Variants in HRNR observed in about 807,000 individuals in gnomAD.
HRNR encodes hornerin, also known as filaggrin family member 3.
HRNR carries 7 observed loss-of-function variants against 4.8 expected under a neutral mutation model. The ratio of observed to expected loss-of-function variants is 1.47; its 90% CI spans 0.83 to 2.75. The LOEUF (loss-of-function observed/expected upper bound fraction) is 2.75. Ranked by LOEUF, HRNR falls within the 30% of genes most tolerant of loss-of-function variation. The pLI, the probability that HRNR is intolerant of heterozygous loss-of-function variation, is 0.00. For missense variants in HRNR, 2,879 were observed against 3,010.4 expected (o/e 0.96, Z 1.02); for synonymous variants, 1,023 against 1,242.7 (o/e 0.82, Z 3.72).
rs141928962 is a variant in HRNR at position 152,219,089 on chromosome 1, G to C, written c.2540C>G (p.Thr847Arg). ...HFSSQGRHGS[T>R]SGQSSSSGQH... ...GCCGGAGCTTGATGACTGCCCTGAC[G>C]TAGATCCATGTCGTCCCTGGCTAGA... Residue 847 changes from threonine to arginine, a missense_variant, in exon 3 of 3, where the codon ACG (threonine) becomes AGG (arginine). This residue lies in a region of HRNR where 2,646 missense variants were observed against 1,377.7 expected (regional missense o/e 1.92). Transcript: ENST00000368801. The C allele has an allele frequency of 8.7e-6, 14 of 1,613,180 alleles. No homozygotes were observed. The highest frequency in any genetic ancestry group is 1.2e-5 in the Non-Finnish European group (14 of 1,179,854).
chr1:152,222,999 G>A (rs893965400), intron 2 of HRNR, 117 bp downstream of exon 2: 3 of 1,057,484 alleles, frequency 2.8e-6, no homozygotes, highest in Admixed American at 2.2e-5. Flanking sequence ...ACCAAACCCT[G>A]TTCTCTCTCA....
At position 152,218,816 on chromosome 1, in the gene HRNR, G is replaced by A. The variant is rs1191408575; in HGVS notation, c.2813C>T (p.Ser938Leu). 3 of 1,612,926 alleles carry A rather than the reference G, an allele frequency of 1.9e-6. No individual in the cohort carries two copies. Among genetic ancestry groups the A allele is most frequent in the Non-Finnish European group, 2.5e-6 (3 of 1,179,856 alleles). The change falls in exon 3 of 3, where the codon TCA becomes TTA. Residue 938 changes from serine to leucine, a missense_variant. Physicochemically the swap from Ser to Leu is moderately radical, Grantham distance 145 (BLOSUM62 -2). Coordinates refer to ENST00000368801, the MANE Select transcript of HRNR (RefSeq NM_001009931.3). ...CTGAGTGTAACCAGAGGACTGCCCT[G>A]AGCTAGACTTGTGACCAAAGCCAGA... ...QSSGFGHKSS[S>L]GQSSGYTQHG...
In HRNR at chr1:152,220,670, G is replaced by A; in HGVS notation, c.959C>T (p.Ser320Phe). The change falls in exon 3 of 3, where the codon TCC becomes TTC. Residue 320 changes from serine to phenylalanine, a missense_variant. Ser to Phe is a radical substitution (Grantham distance 155). Around this residue, in one of 8 missense-constraint regions of HRNR, gnomAD observed 2,646 missense variants for 1,377.7 expected, o/e 1.92. Transcript: ENST00000368801. Reference sequence around the variant, plus strand: ...GCCAGACCCGTGTTGGCCGTGGCTGGAGGAGTGCCCCGAACCGGACCCATG... The same window carrying A: ...GCCAGACCCGTGTTGGCCGTGGCTGAAGGAGTGCCCCGAACCGGACCCATG... The part of the protein sequence containing the change: ...VRHGSGSGHS[S>F]SHGQHGSGSS... 1 of 1,612,416 alleles carries A rather than the reference G, an allele frequency of 6.2e-7. No individual in the cohort carries two copies. Among genetic ancestry groups the A allele is most frequent in the Non-Finnish European group, 8.5e-7 (1 of 1,178,776 alleles).
chr1:152,213,056 A>G lies in HRNR; in HGVS notation c.*20T>C. Reference sequence around the variant, plus strand: ...ATTTCTTAAATTGCTACTTGAGTAAATTGCATTTATGTTTATTATTCACTG... The same window carrying G: ...ATTTCTTAAATTGCTACTTGAGTAAGTTGCATTTATGTTTATTATTCACTG... On this transcript the variant is annotated 3_prime_UTR_variant, in exon 3 of 3. Transcript: ENST00000368801. 1 of 1,591,504 alleles carries G rather than the reference A, an allele frequency of 6.3e-7. No homozygotes were observed. Among genetic ancestry groups the G allele is most frequent in the Non-Finnish European group, 8.6e-7 (1 of 1,168,676 alleles).
At position 152,218,596 on chromosome 1, in the gene HRNR, A is replaced by G. The variant is rs200430860; in HGVS notation, c.3033T>C (p.Arg1011=). Residue 1011 remains arginine, a synonymous_variant, in exon 3 of 3, where the codon CGT becomes CGC. Transcript: ENST00000368801. ...GCCCGGAACCAGACCCATGTCGGCCACGGCTAGGGCTAGGAGACTGGCCAG... is the reference window on the plus strand; with the variant it reads ...GCCCGGAACCAGACCCATGTCGGCCGCGGCTAGGGCTAGGAGACTGGCCAG... ...SGSGQSPSPS[R]GRHGSGSGQS... 3 of 1,612,454 alleles carry G rather than the reference A, an allele frequency of 1.9e-6. No homozygotes were observed. Among genetic ancestry groups the G allele is most frequent in the Admixed American group, 1.7e-5 (1 of 59,910 alleles).
In HRNR at chr1:152,221,504, A is replaced by T. The variant is rs1553202866; in HGVS notation, c.139-14T>A. 6.4e-7 allele frequency: 1 copy of T among 1,558,448 alleles called. No individual in the cohort carries two copies. The highest frequency in any genetic ancestry group is 8.7e-7 in the Non-Finnish European group (1 of 1,148,858). Reference sequence around the variant, plus strand: ...ATCGTTTGGATTCTGTATAAGAGAAAGGTACAAAGAGTAGCTCTGTTAGTA... The same window carrying T: ...ATCGTTTGGATTCTGTATAAGAGAATGGTACAAAGAGTAGCTCTGTTAGTA... On this transcript the variant is annotated splice_polypyrimidine_tract_variant and intron_variant, in intron 2 of 2. Transcript: ENST00000368801.
Position 152,221,189 on chromosome 1 carries a change from C to G in HRNR, c.440G>C (p.Ser147Thr), listed in dbSNP as rs775821444. 61 of 1,614,070 alleles carry G rather than the reference C, an allele frequency of 3.8e-5. No individual in the cohort carries two copies. The Middle Eastern group carries it at 4.9e-4, about 13-fold the overall frequency. ...NDSYSRNVRG[S>T]LKPGTESISR... ...TATGGATTCAGTCCCAGGTTTAAGA[C>G]TTCCTCTGACGTTTCTGGAATAGGA... Residue 147 changes from serine to threonine, a missense_variant, in exon 3 of 3, where the codon AGT becomes ACT. This residue lies in a region of HRNR where 2,646 missense variants were observed against 1,377.7 expected (regional missense o/e 1.92). Coordinates refer to ENST00000368801, the MANE Select transcript of HRNR (RefSeq NM_001009931.3).
At position 152,218,571 on chromosome 1, in the gene HRNR, G is replaced by A. The variant is rs1047853986; in HGVS notation, c.3058C>T (p.Gln1020Ter). ...CTATATGGGCCATAGCTGGAAGACT[G>A]CCCGGAACCAGACCCATGTCGGCCA... ...SRGRHGSGSG[Q>*]SSSYGPYRSG... Residue 1020 changes from glutamine (Q) to a stop codon, truncating the protein, a stop_gained, in exon 3 of 3, where the codon CAG (glutamine) becomes TAG (stop). Transcript: ENST00000368801. LOFTEE classifies it low-confidence loss of function (END_TRUNC). 3.7e-6 allele frequency: 6 copies of A among 1,613,720 alleles called. No homozygotes were observed. The highest frequency in any genetic ancestry group is 5.1e-6 in the Non-Finnish European group (6 of 1,179,960).
At position 152,218,587 on chromosome 1, in the gene HRNR, A is replaced by G. The variant is rs369907597; in HGVS notation, c.3042T>C (p.His1014=). 34 of 1,613,536 alleles carry G rather than the reference A, an allele frequency of 2.1e-5. No homozygotes were observed. Among genetic ancestry groups the G allele is most frequent in the Non-Finnish European group, 2.8e-5 (33 of 1,179,914 alleles). Residue 1014 remains histidine (H), a synonymous_variant, in exon 3 of 3, where the codon CAT becomes CAC. Transcript: ENST00000368801. ...GQSPSPSRGR[H]GSGSGQSSSY... The stretch of plus-strand genomic sequence containing the variant: ...TGGAAGACTGCCCGGAACCAGACCC[A>G]TGTCGGCCACGGCTAGGGCTAGGAG...
chr1:152,214,306 T>G lies in HRNR; in HGVS notation c.7323A>C (p.Ser2441=), dbSNP rs1285443737. ...SSSYSPYGSG[S]GWSSSRGPYE... ...ATGGGCCACGGCTGGAAGACCACCCTGAGCCAGACCCATATGGGCTGTAGC... is the reference window on the plus strand; with the variant it reads ...ATGGGCCACGGCTGGAAGACCACCCGGAGCCAGACCCATATGGGCTGTAGC... The change falls in exon 3 of 3, where the codon TCA becomes TCC. Residue 2441 remains serine, a synonymous_variant. Transcript: ENST00000368801. The G allele has an allele frequency of 6.2e-7, 1 of 1,607,156 alleles. No individual in the cohort carries two copies. Among genetic ancestry groups the G allele is most frequent in the East Asian group, 2.2e-5 (1 of 44,882 alleles).
rs761624974 is a variant in HRNR, at chr1:152,220,753, C to G, written c.876G>C (p.Gln292His). The change falls in exon 3 of 3, where the codon CAG (glutamine) becomes CAC (histidine). Residue 292 changes from glutamine (Q) to histidine (H), a missense_variant. Around this residue, in one of 8 missense-constraint regions of HRNR, gnomAD observed 2,646 missense variants for 1,377.7 expected, o/e 1.92. Transcript: ENST00000368801. ...SYGQHGSGSR[Q>H]SLGHGRQGSG... The stretch of plus-strand genomic sequence containing the variant: ...ACCCTTGTCGGCCGTGGCCCAAAGA[C>G]TGACGGGAACCAGACCCATGCTGAC... The G allele has an allele frequency of 1.9e-6, 3 of 1,613,672 alleles. No individual in the cohort carries two copies. Among genetic ancestry groups the G allele is most frequent in the Middle Eastern group, 1.7e-4 (1 of 6,058 alleles).
rs764759555 is a variant in HRNR, at chr1:152,213,180, T to G, written c.8449A>C (p.Ser2817Arg). ...CCAGAACTTCCCCCATCATGGTTACTTCCTCCTTTGCAATAAGAATACCCA... is the reference window on the plus strand; with the variant it reads ...CCAGAACTTCCCCCATCATGGTTACGTCCTCCTTTGCAATAAGAATACCCA... ...QDGYSYCKGG[S>R]NHDGGSSGSY... Residue 2817 changes from serine to arginine, a missense_variant, in exon 3 of 3, where the codon AGT (serine) becomes CGT (arginine). Transcript: ENST00000368801. 2.5e-6 allele frequency: 4 copies of G among 1,614,126 alleles called. No homozygotes were observed. In the South Asian group the frequency reaches 4.4e-5, roughly 18 times the overall value.
intron 2 of HRNR, 34 bp downstream of exon 2, chr1:152,223,082 C>G: frequency 6.2e-7 from 1 of 1,606,172 alleles, no homozygotes; most frequent in Non-Finnish European, 8.5e-7. Context: ...GAAGAAAATT[C>G]CTGCATAACT....
Position 152,219,064 on chromosome 1 carries a change from G to A in HRNR, c.2565C>T (p.Gly855=), listed in dbSNP as rs763111366. 1.2e-6 allele frequency: 2 copies of A among 1,610,734 alleles called. No homozygotes were observed. Among genetic ancestry groups the A allele is most frequent in the South Asian group, 2.2e-5 (2 of 90,924 alleles). ...ATTGACCTGAGCTAGAGTCATGTTG[G>A]CCGGAGCTTGATGACTGCCCTGACG... is the stretch of plus-strand genomic sequence containing the variant. ...GSTSGQSSSS[G]QHDSSSGQSS... Residue 855 remains glycine (G), a synonymous_variant, in exon 3 of 3, where the codon GGC becomes GGT. Coordinates refer to ENST00000368801, the MANE Select transcript of HRNR (RefSeq NM_001009931.3).
In HRNR at chr1:152,220,203, A is replaced by C. The variant is rs773637639; in HGVS notation, c.1426T>G (p.Ser476Ala). Residue 476 changes from serine to alanine, a missense_variant, in exon 3 of 3, where the codon TCT becomes GCT. This residue lies in a region of HRNR where 2,646 missense variants were observed against 1,377.7 expected (regional missense o/e 1.92). Transcript: ENST00000368801. ...CCAGATCCATGCTGAGTGTAACCAG[A>C]GGAATGCTCTGAGCTAGACTCGTGG... Reference protein sequence around the residue: ...GHHESSSEHSSGYTQHGSGSG... With the variant: ...GHHESSSEHSAGYTQHGSGSG... The C allele has an allele frequency of 6.2e-7, 1 of 1,613,670 alleles. No homozygotes were observed. Among genetic ancestry groups the C allele is most frequent in the South Asian group, 1.1e-5 (1 of 91,052 alleles).
At position 152,220,247 on chromosome 1, in the gene HRNR, T is replaced by C. The variant is rs1461342119; in HGVS notation, c.1382A>G (p.Tyr461Cys). The C allele has an allele frequency of 1.2e-6, 2 of 1,612,060 alleles. No homozygotes were observed. Among genetic ancestry groups the C allele is most frequent in the Non-Finnish European group, 8.5e-7 (1 of 1,179,458 alleles). Residue 461 changes from tyrosine to cysteine, a missense_variant, in exon 3 of 3, where the codon TAC becomes TGC. Around this residue, in one of 8 missense-constraint regions of HRNR, gnomAD observed 2,646 missense variants for 1,377.7 expected, o/e 1.92. Transcript: ENST00000368801. ...SSGPYVSGSG[Y>C]SSGFGHHESS... ...CTCGTGGTGACCAAAGCCAGAAGAG[T>C]AGCCTGAACCAGACACATATGGGCC...
Position 152,220,243 on chromosome 1 carries a change from A to G in HRNR, c.1386T>C (p.Ser462=). 1 of 1,613,614 alleles carries G rather than the reference A, an allele frequency of 6.2e-7. No individual in the cohort carries two copies. Among genetic ancestry groups the G allele is most frequent in the South Asian group, 1.1e-5 (1 of 91,068 alleles). Residue 462 remains serine, a synonymous_variant, in exon 3 of 3, where the codon TCT becomes TCC. Transcript: ENST00000368801. The part of the protein sequence containing the change: ...SGPYVSGSGY[S]SGFGHHESSS... ...TAGACTCGTGGTGACCAAAGCCAGA[A>G]GAGTAGCCTGAACCAGACACATATG...
In HRNR at chr1:152,218,556, C is replaced by G; in HGVS notation, c.3073G>C (p.Gly1025Arg). Reference protein sequence around the residue: ...GSGSGQSSSYGPYRSGSGWSS... With the variant: ...GSGSGQSSSYRPYRSGSGWSS... ...CACCCTGAGCCAGACCTATATGGGC[C>G]ATAGCTGGAAGACTGCCCGGAACCA... is the stretch of plus-strand genomic sequence containing the variant. Residue 1025 changes from glycine (G) to arginine (R), a missense_variant, in exon 3 of 3, where the codon GGC becomes CGC. Gly to Arg is a moderately radical substitution (Grantham distance 125, BLOSUM62 -2). Around this residue, in one of 8 missense-constraint regions of HRNR, gnomAD observed 2,646 missense variants for 1,377.7 expected, o/e 1.92. Transcript: ENST00000368801. 1 of 1,613,588 alleles carries G rather than the reference C, an allele frequency of 6.2e-7. No individual in the cohort carries two copies. Among genetic ancestry groups the G allele is most frequent in the East Asian group, 2.2e-5 (1 of 44,806 alleles).
intron 1 of HRNR, among the ~76,000 whole-genome samples, chr1:152,223,713 T>G (rs1237130224): frequency 6.6e-6 from 1 of 152,186 alleles, no homozygotes; most frequent in East Asian, 1.9e-4. Context: ...AACTGAACTC[T>G]CAAGACTTCT....
Sources: allele counts gnomAD v4.1 joint callset (sites outside exome capture counted in the v4.1 genomes callset), GRCh38; gene constraint gnomAD v4.1.1; regional missense constraint gnomAD v4.1.1; transcripts MANE v1.5; gene names NCBI Gene and HGNC (gene_info 2026-07-23, HGNC 2026-07-21).